KCNMA1: variants seen among roughly 807,000 people sequenced by gnomAD.
The protein encoded by KCNMA1 is potassium calcium-activated channel subfamily M alpha 1.
In KCNMA1, 29 loss-of-function variants were observed where a neutral mutation model predicts 140.0. The observed-to-expected ratio is 0.21, with a 90% CI of 0.15 to 0.28. The LOEUF is 0.28. Among genes scored for constraint, KCNMA1 ranks in the 10% least tolerant of loss-of-function variants. The probability of loss-of-function intolerance (pLI) is 1.00; values close to 1 mark genes in which losing one functional copy is unlikely to be tolerated. For synonymous variants in KCNMA1, 612 were observed against 611.9 expected (o/e 1.00, Z 0.00); for missense variants, 880 against 1,602.2 (o/e 0.55, Z 7.70).
At chr10:77,550,424 G>A (rs1314254370) in intron 1 of KCNMA1, among the ~76,000 whole-genome samples, 3 of 152,116 alleles carry the variant, frequency 2.0e-5, no homozygotes, top group South Asian at 4.1e-4. Flanking sequence ...GGGCCCTGGC[G>A]CTCCCTCTGG....
At chr10:77,502,173 G>A (rs538530520) in intron 1 of KCNMA1, among the ~76,000 whole-genome samples, 16 of 152,264 alleles carry the variant, frequency 1.1e-4, no homozygotes, top group South Asian at 4.2e-4. Context: ...AGCTGGGGGC[G>A]CCTGGGAAGA....
chr10:77,397,618 C>A (rs1330033962), intron 2 of KCNMA1, among the ~76,000 whole-genome samples: 1 of 152,202 alleles, frequency 6.6e-6, no homozygotes. Context: ...TCTATAAATA[C>A]AGTTTATTTG....
chr10:77,392,866 C>T (rs953427505), intron 2 of KCNMA1, among the ~76,000 whole-genome samples: 2 of 152,220 alleles, frequency 1.3e-5, no homozygotes, highest in African/African-American at 4.8e-5. Flanking sequence ...GTCAGCCTCG[C>T]CCCACCTCCA....
At chr10:76,944,012 A>G (rs2063290699) in intron 23 of KCNMA1, among the ~76,000 whole-genome samples, 1 of 152,076 alleles carries the variant, frequency 6.6e-6, no homozygotes, top group African/African-American at 2.4e-5. Context: ...CTATCCTCCA[A>G]TTCATGGCTA....
chr10:77,000,262 C>T lies in KCNMA1; in HGVS notation c.2266+1145G>A, dbSNP rs528308510. ...GTGCAGAAACGAGAACCATCTCCTA[C>T]CTTCTATGCTACCAAAACATGAAAA... On this transcript the variant is annotated intron_variant, in intron 19 of 27. Transcript: ENST00000286628. Among the ~76,000 whole-genome samples, 7 of 152,308 alleles carry T rather than the reference C, an allele frequency of 4.6e-5. No individual in the cohort carries two copies. In the East Asian group the frequency reaches 1.2e-3, roughly 25 times the overall value.
chr10:76,891,355 G>A, intron 26 of KCNMA1, 170 bp downstream of exon 26: 1 of 666,164 alleles, frequency 1.5e-6, no homozygotes, highest in Non-Finnish European at 2.7e-6. Context: ...TATGCATAGA[G>A]CAAAGTGTCT....
intron 2 of KCNMA1, among the ~76,000 whole-genome samples, chr10:77,313,377 C>T (rs1221846876): frequency 6.6e-6 from 1 of 152,182 alleles, no homozygotes; most frequent in Non-Finnish European, 1.5e-5. Context: ...TTCTCTTCCC[C>T]TTAAGCCACT....
intron 14 of KCNMA1, among the ~76,000 whole-genome samples, chr10:77,063,142 G>A (rs117202805): frequency 0.061 from 9,309 of 152,262 alleles, 429 homozygotes; most frequent in Middle Eastern, 0.15. Flanking sequence ...AGCCAGGCAC[G>A]GTGGCTCATG....
intron 2 of KCNMA1, among the ~76,000 whole-genome samples, chr10:77,317,281 G>A (rs1466054597): frequency 8.5e-5 from 13 of 152,150 alleles, no homozygotes; most frequent in Admixed American, 8.5e-4. Flanking sequence ...CCTGGGAAGT[G>A]CAACCTGGGA....
chr10:77,503,236 C>T (rs2044565190), intron 1 of KCNMA1, among the ~76,000 whole-genome samples: 2 of 152,164 alleles, frequency 1.3e-5, no homozygotes, highest in South Asian at 4.1e-4. Flanking sequence ...TAAGAGACTT[C>T]CTAGTTTAAA....
chr10:77,329,577 C>A (rs1025498488), intron 2 of KCNMA1, among the ~76,000 whole-genome samples: 2 of 152,238 alleles, frequency 1.3e-5, no homozygotes, highest in African/African-American at 4.8e-5. Context: ...GTCAACCACA[C>A]AGTCTAGGTA....
chr10:77,176,037 A>T (rs2098749168), intron 5 of KCNMA1, among the ~76,000 whole-genome samples: 1 of 152,252 alleles, frequency 6.6e-6, no homozygotes, highest in African/African-American at 2.4e-5. Context: ...AGAGATTCAC[A>T]GAATCATCCT....
intron 13 of KCNMA1, 152 bp from the exon 14 acceptor site, chr10:77,073,404 T>C (rs575182480): frequency 3.8e-6 from 3 of 793,520 alleles, no homozygotes; most frequent in African/African-American, 3.4e-5. Context: ...TGCTGTTTTA[T>C]GCAACTCTTC....
intron 23 of KCNMA1, among the ~76,000 whole-genome samples, chr10:76,924,036 TG>T (rs916884096): frequency 1.3e-5 from 2 of 152,148 alleles, no homozygotes; most frequent in Non-Finnish European, 2.9e-5. Flanking sequence ...CATACTTGCT[TG>T]GCCAGTGTGG....
At chr10:77,043,991 T>A (rs897268093) in intron 14 of KCNMA1, among the ~76,000 whole-genome samples, 1 of 152,208 alleles carries the variant, frequency 6.6e-6, no homozygotes, top group African/African-American at 2.4e-5. Flanking sequence ...GTAAATTTTG[T>A]ATGTGTATTT....
intron 1 of KCNMA1, among the ~76,000 whole-genome samples, chr10:77,553,736 G>T (rs1389971578): frequency 6.6e-6 from 1 of 152,230 alleles, no homozygotes; most frequent in Non-Finnish European, 1.5e-5. Context: ...TCAGCAGCAG[G>T]CTGTTTCACC....
At chr10:77,286,325 C>G (rs747337478) in intron 2 of KCNMA1, among the ~76,000 whole-genome samples, 1 of 152,126 alleles carries the variant, frequency 6.6e-6, no homozygotes, top group South Asian at 2.1e-4. Flanking sequence ...GGCTGATTGC[C>G]AAAGTTTAGA....
intron 1 of KCNMA1, among the ~76,000 whole-genome samples, chr10:77,582,454 C>T (rs966413039): frequency 6.6e-6 from 1 of 152,204 alleles, no homozygotes; most frequent in African/African-American, 2.4e-5. Flanking sequence ...CATTCCCTAC[C>T]TAATGCAAGC....
At chr10:77,538,191 C>G (rs1357439378) in intron 1 of KCNMA1, among the ~76,000 whole-genome samples, 1 of 151,884 alleles carries the variant, frequency 6.6e-6, no homozygotes, top group Admixed American at 6.6e-5. Flanking sequence ...ACTAGACACA[C>G]TCATACTCAC....
Sources: allele counts gnomAD v4.1 joint callset (sites outside exome capture counted in the v4.1 genomes callset), GRCh38; gene constraint gnomAD v4.1.1; transcripts MANE v1.5; gene names NCBI Gene and HGNC (gene_info 2026-07-23, HGNC 2026-07-21).